ADIPOR2: variants seen among roughly 807,000 people sequenced by gnomAD.
ADIPOR2 encodes the protein adiponectin receptor protein 2.
ADIPOR2 carries 18 observed loss-of-function variants against 40.9 expected under a neutral mutation model. That is an observed-to-expected ratio of 0.44 (90% confidence interval 0.30 to 0.65). ADIPOR2 has a LOEUF of 0.65. ADIPOR2 is among the 30% of genes least tolerant of loss of function. The probability of loss-of-function intolerance (pLI) is 0.09; values close to 1 mark genes in which losing one functional copy is unlikely to be tolerated. For missense variants in ADIPOR2, 283 were observed against 479.2 expected (o/e 0.59, Z 3.82); for synonymous variants, 165 against 166.4 (o/e 0.99, Z 0.06).
chr12:1,764,972 A>G (rs986945107), intron 2 of ADIPOR2, among the ~76,000 whole-genome samples: 1 of 152,134 alleles, frequency 6.6e-6, no homozygotes, highest in Non-Finnish European at 1.5e-5. Flanking sequence ...ACTTGGGGCT[A>G]TTATAAATAG....
chr12:1,763,263 G>A (rs1303153603), intron 2 of ADIPOR2, among the ~76,000 whole-genome samples: 1 of 152,198 alleles, frequency 6.6e-6, no homozygotes, highest in Non-Finnish European at 1.5e-5. Flanking sequence ...ACTTAATGAT[G>A]GAGAGCCAGT....
chr12:1,778,464 T>C (rs940018752), intron 4 of ADIPOR2: 3 of 153,940 alleles, frequency 1.9e-5, no homozygotes, highest in African/African-American at 7.2e-5. Context: ...AAGAATACTG[T>C]AGAGGAAAGA....
At chr12:1,718,772 C>T (rs1320506564) in intron 1 of ADIPOR2, among the ~76,000 whole-genome samples, 1 of 152,124 alleles carries the variant, frequency 6.6e-6, no homozygotes, top group Non-Finnish European at 1.5e-5. Flanking sequence ...CTTTTTCCCT[C>T]AACTCTACCT....
intron 3 of ADIPOR2, among the ~76,000 whole-genome samples, chr12:1,774,569 T>C (rs977548823): frequency 2.6e-5 from 4 of 152,216 alleles, no homozygotes; most frequent in African/African-American, 9.6e-5. Flanking sequence ...ATATGAAATG[T>C]GCTGTGGATA....
At chr12:1,729,628 T>TTTTTG (rs2094715671) in intron 1 of ADIPOR2, among the ~76,000 whole-genome samples, 1 of 40,300 alleles carries the variant, frequency 2.5e-5, no homozygotes, top group Non-Finnish European at 6.2e-5. Context: ...TTTTTTTTTT[T>TTTTTG]TTTTTTTTTT....
In ADIPOR2 at chr12:1,772,917, C is replaced by A. The variant is rs1483858468; in HGVS notation, c.247C>A (p.Gln83Lys). The change falls in exon 3 of 8, where the codon CAA becomes AAA. Residue 83 changes from glutamine to lysine, a missense_variant. Around this residue, in one of 3 missense-constraint regions of ADIPOR2, gnomAD observed 112 missense variants for 249.5 expected, o/e 0.45. Coordinates refer to ENST00000357103, the MANE Select transcript of ADIPOR2 (RefSeq NM_024551.3). ...CTTTATGGGCATGTCCCCTCTCTTA[C>A]AAGCCCATCATGCTATGGAAAAAAT... is the stretch of plus-strand genomic sequence containing the variant. ...EGFMGMSPLL[Q>K]AHHAMEKMEE... 1 of 1,613,816 alleles carries A rather than the reference C, an allele frequency of 6.2e-7. No individual in the cohort carries two copies. Among genetic ancestry groups the A allele is most frequent in the Non-Finnish European group, 8.5e-7 (1 of 1,179,846 alleles).
chr12:1,761,922 A>G (rs1862278074), intron 2 of ADIPOR2, among the ~76,000 whole-genome samples: 1 of 152,186 alleles, frequency 6.6e-6, no homozygotes, highest in South Asian at 2.1e-4. Flanking sequence ...TTTGTTTCCC[A>G]TTGCACTTAT....
chr12:1,704,857 A>G (rs2094658910), intron 1 of ADIPOR2, among the ~76,000 whole-genome samples: 1 of 152,066 alleles, frequency 6.6e-6, no homozygotes, highest in African/African-American at 2.4e-5. Context: ...TTTCTTTCTC[A>G]TACTGGTGGT....
At chr12:1,692,580 G>A (rs760038961) in intron 1 of ADIPOR2, among the ~76,000 whole-genome samples, 1 of 152,020 alleles carries the variant, frequency 6.6e-6, no homozygotes, top group Non-Finnish European at 1.5e-5. Flanking sequence ...CTGCTTAGCA[G>A]ATTTCCTCTT....
chr12:1,739,356 G>A (rs2094737813), intron 1 of ADIPOR2, among the ~76,000 whole-genome samples: 1 of 152,218 alleles, frequency 6.6e-6, no homozygotes, highest in African/African-American at 2.4e-5. Context: ...GTAGCTATGT[G>A]GAGAAGCCTT....
chr12:1,708,330 T>G (rs1487136261), intron 1 of ADIPOR2, among the ~76,000 whole-genome samples: 1 of 152,192 alleles, frequency 6.6e-6, no homozygotes, highest in Non-Finnish European at 1.5e-5. Context: ...TTCTGTGGCT[T>G]GCCTTTCATT....
intron 2 of ADIPOR2, chr12:1,761,080 G>A (rs1295769298): frequency 6.6e-6 from 1 of 151,966 alleles, no homozygotes; most frequent in Non-Finnish European, 1.5e-5. Context: ...TTTATTATTG[G>A]TTGTTAATCT....
At chr12:1,699,644 T>G (rs970027095) in intron 1 of ADIPOR2, among the ~76,000 whole-genome samples, 2 of 152,098 alleles carry the variant, frequency 1.3e-5, no homozygotes, top group Non-Finnish European at 2.9e-5. Flanking sequence ...AGAGCGAAAC[T>G]CCGTCTTAAA....
At chr12:1,718,301 C>T (rs1014404058) in intron 1 of ADIPOR2, among the ~76,000 whole-genome samples, 2 of 151,818 alleles carry the variant, frequency 1.3e-5, no homozygotes, top group Non-Finnish European at 2.9e-5. Flanking sequence ...AAGACTGTTA[C>T]ACTTCTTGGG....
chr12:1,766,016 G>A (rs996598724), intron 2 of ADIPOR2, among the ~76,000 whole-genome samples: 1 of 152,120 alleles, frequency 6.6e-6, no homozygotes, highest in Non-Finnish European at 1.5e-5. Context: ...AATGTTTTTA[G>A]TTTCTTTACC....
chr12:1,713,129 G>A, intron 1 of ADIPOR2, among the ~76,000 whole-genome samples: 1 of 152,120 alleles, frequency 6.6e-6, no homozygotes, highest in Admixed American at 6.6e-5. Context: ...GTCCACGTAA[G>A]TTGGGACGTG....
intron 2 of ADIPOR2, among the ~76,000 whole-genome samples, chr12:1,772,556 T>C (rs1592627558): frequency 6.6e-6 from 1 of 152,192 alleles, no homozygotes; most frequent in African/African-American, 2.4e-5. Context: ...ATGGGGTCTA[T>C]GACATAATTT....
chr12:1,775,271 ATCT>A, intron 3 of ADIPOR2, among the ~76,000 whole-genome samples: 1 of 152,188 alleles, frequency 6.6e-6, no homozygotes, highest in South Asian at 2.1e-4. Flanking sequence ...CTAAGCCGTG[ATCT>A]TATTTTTTTA....
At chr12:1,754,799 C>A (rs1194412514) in intron 2 of ADIPOR2, among the ~76,000 whole-genome samples, 1 of 151,848 alleles carries the variant, frequency 6.6e-6, no homozygotes, top group Non-Finnish European at 1.5e-5. Flanking sequence ...GTAGCATGAT[C>A]TCGGCTCGCT....
Sources: gnomAD v4.1 joint callset for allele counts (sites outside exome capture counted in the v4.1 genomes callset) on GRCh38, gnomAD v4.1.1 for gene constraint, gnomAD v4.1.1 regional missense constraint, MANE v1.5 for transcripts, NCBI Gene and HGNC (gene_info 2026-07-23, HGNC 2026-07-21) for gene names.